PRKCZ: variants seen among roughly 807,000 people sequenced by gnomAD.
PRKCZ encodes the protein protein kinase C zeta type.
Under a neutral mutation model 79.5 loss-of-function variants are expected in PRKCZ, and 33 were observed. The ratio of observed to expected loss-of-function variants is 0.41; its 90% CI spans 0.31 to 0.55. The LOEUF (loss-of-function observed/expected upper bound fraction) is 0.55. Ranked by LOEUF, PRKCZ falls within the 20% of genes least tolerant of loss-of-function variation. PRKCZ has a pLI of 0.19. For missense variants in PRKCZ, 578 were observed against 813.5 expected, an observed-to-expected ratio of 0.71 and a Z score of 3.52; for synonymous variants, 342 against 320.9, an observed-to-expected ratio of 1.07 and a Z score of -0.70.
intron 4 of PRKCZ, among the ~76,000 whole-genome samples, chr1:2,066,041 C>T (rs1421799349): frequency 2.6e-5 from 4 of 151,858 alleles, no homozygotes; most frequent in Admixed American, 6.6e-5. Flanking sequence ...GATATGCTGC[C>T]GAATTCATTT....
intron 4 of PRKCZ, among the ~76,000 whole-genome samples, chr1:2,130,419 C>T (rs1674734311): frequency 6.6e-6 from 1 of 152,180 alleles, no homozygotes; most frequent in African/African-American, 2.4e-5. Flanking sequence ...TGGGACTCCG[C>T]ATGGGGGGCT....
chr1:2,112,288 G>C (rs1461804959), intron 4 of PRKCZ, among the ~76,000 whole-genome samples: 1 of 152,216 alleles, frequency 6.6e-6, no homozygotes, highest in South Asian at 2.1e-4. Flanking sequence ...GGGTTAAGCT[G>C]AGGCCCCTGC....
chr1:2,107,502 G>A (rs1263552874), intron 4 of PRKCZ, among the ~76,000 whole-genome samples: 2 of 152,210 alleles, frequency 1.3e-5, no homozygotes, highest in Non-Finnish European at 2.9e-5. Context: ...GTGGGAAAAC[G>A]TGTGCAGATA....
chr1:2,107,347 C>G (rs955992697), intron 4 of PRKCZ, among the ~76,000 whole-genome samples: 3 of 152,216 alleles, frequency 2.0e-5, no homozygotes, highest in African/African-American at 7.2e-5. Flanking sequence ...CTGCTTTTTT[C>G]CCGCACGTCA....
chr1:2,167,254 G>C (rs1444260585), intron 10 of PRKCZ, among the ~76,000 whole-genome samples: 1 of 152,234 alleles, frequency 6.6e-6, no homozygotes, highest in Non-Finnish European at 1.5e-5. Context: ...TGGAGAAGAA[G>C]GGGAAGCGGC....
chr1:2,068,600 G>A (rs185800569), intron 4 of PRKCZ, among the ~76,000 whole-genome samples: 19 of 152,330 alleles, frequency 1.2e-4, no homozygotes, highest in African/African-American at 4.1e-4. Context: ...GGAGGGTCAC[G>A]CTCACAGCTT....
chr1:2,174,098 C>T lies in PRKCZ; in HGVS notation c.1405+82C>T, dbSNP rs1260372615. The T allele has an allele frequency of 3.4e-5, 50 of 1,469,844 alleles. No individual in the cohort carries two copies. In the Admixed American group the frequency reaches 8.6e-4, roughly 25 times the overall value. The allele number at this position is 1,469,844 out of a possible 1,614,324, so 91.1% of individuals were successfully genotyped here. ...TTCAAAGGTGCAGGTGGAGGGGTCC[C>T]GCGGGTGCCTGGAGCGGCAGTGCCA... On this transcript the variant is annotated intron_variant, in intron 14 of 17. Transcript: ENST00000378567. This position sits in a 1 kb window ranked among gnomAD's most constrained non-coding sequence, Gnocchi z 6.2.
At chr1:2,061,748 G>A (rs1227562129) in intron 4 of PRKCZ, among the ~76,000 whole-genome samples, 1 of 152,194 alleles carries the variant, frequency 6.6e-6, no homozygotes, top group Non-Finnish European at 1.5e-5. Flanking sequence ...TCAGGAGTGT[G>A]TGAGAACACA....
intron 4 of PRKCZ, among the ~76,000 whole-genome samples, chr1:2,080,262 A>G (rs543601827): frequency 2.0e-5 from 3 of 152,118 alleles, no homozygotes; most frequent in Non-Finnish European, 4.4e-5. Flanking sequence ...CATCGTGATG[A>G]CGCTTTCTGA....
In PRKCZ at chr1:2,172,246, T is replaced by C; in HGVS notation, c.1198-55T>C. Reference sequence around the variant, plus strand: ...TCCCGCATGTGCGTCTCGGGGCGCCTGTCCCGCGGGGTAGTGTCTACAAGA... The same window carrying C: ...TCCCGCATGTGCGTCTCGGGGCGCCCGTCCCGCGGGGTAGTGTCTACAAGA... On this transcript the variant is annotated intron_variant, in intron 12 of 17. Coordinates refer to ENST00000378567, the MANE Select transcript of PRKCZ (RefSeq NM_002744.6). This position sits in a 1 kb window ranked among gnomAD's most constrained non-coding sequence, Gnocchi z 7.8. The C allele has an allele frequency of 6.2e-7, 1 of 1,613,364 alleles. No homozygotes were observed.
intron 4 of PRKCZ, chr1:2,104,761 T>C: frequency 1.0e-6 from 1 of 985,738 alleles, no homozygotes; most frequent in Non-Finnish European, 1.2e-6. Flanking sequence ...CGGGCTGGCC[T>C]GCGGGGCTCA....
intron 9 of PRKCZ, among the ~76,000 whole-genome samples, chr1:2,154,269 T>A (rs1680492803): frequency 6.6e-6 from 1 of 152,006 alleles, no homozygotes; most frequent in African/African-American, 2.4e-5. Flanking sequence ...GGTGCACATG[T>A]TGAGCAGCCG....
At chr1:2,089,847 T>G (rs1322070144) in intron 4 of PRKCZ, among the ~76,000 whole-genome samples, 1 of 152,018 alleles carries the variant, frequency 6.6e-6, no homozygotes, top group Non-Finnish European at 1.5e-5. Flanking sequence ...GGAGGACCTC[T>G]TGAGTGCAGG....
intron 5 of PRKCZ, among the ~76,000 whole-genome samples, chr1:2,136,269 G>A (rs12744596): frequency 0.032 from 4,945 of 152,280 alleles, 113 homozygotes; most frequent in Non-Finnish European, 0.047. Context: ...GCGTGTGCTC[G>A]GTCCCTGTCA....
At chr1:2,119,230 T>TTTTG (rs1332274840) in intron 4 of PRKCZ, among the ~76,000 whole-genome samples, 13 of 150,358 alleles carry the variant, frequency 8.6e-5, no homozygotes, top group Non-Finnish European at 1.9e-4. Context: ...TTTTTTTTTT[T>TTTTG]TGAGATGGAG....
chr1:2,060,838 C>T (rs1047042773), intron 4 of PRKCZ, among the ~76,000 whole-genome samples: 3 of 152,156 alleles, frequency 2.0e-5, no homozygotes, highest in Non-Finnish European at 2.9e-5. Context: ...GCTTTGGAGG[C>T]AGGTGGCCAG....
intron 2 of PRKCZ, 67 bp from the exon 3 acceptor site, chr1:2,056,417 G>T (rs1203418384): frequency 4.2e-6 from 6 of 1,417,418 alleles, no homozygotes; most frequent in African/African-American, 2.8e-5. Context: ...TGTGCTGAGC[G>T]GGCTCGTCAC....
intron 4 of PRKCZ, among the ~76,000 whole-genome samples, chr1:2,098,929 C>T (rs1053133873): frequency 1.3e-5 from 2 of 152,212 alleles, no homozygotes; most frequent in African/African-American, 4.8e-5. Flanking sequence ...GATCCACCCA[C>T]CTCAGCCTCC....
intron 4 of PRKCZ, among the ~76,000 whole-genome samples, chr1:2,066,279 A>T (rs1435964658): frequency 6.6e-6 from 1 of 152,188 alleles, no homozygotes; most frequent in Non-Finnish European, 1.5e-5. Flanking sequence ...AACTGGTGTT[A>T]GTTCTTCAAG....
Sources: gnomAD v4.1 joint callset for allele counts (sites outside exome capture counted in the v4.1 genomes callset) on GRCh38, gnomAD v4.1.1 for gene constraint, Gnocchi (gnomAD v3.1) non-coding constraint, MANE v1.5 for transcripts, NCBI Gene and HGNC (gene_info 2026-07-23, HGNC 2026-07-21) for gene names.